The following FAM20A variants were observed in gnomAD, a reference collection of about 807,000 sequenced individuals.
FAM20A encodes pseudokinase FAM20A.
In FAM20A, 42 loss-of-function variants were observed where a neutral mutation model predicts 52.0. The ratio of observed to expected loss-of-function variants is 0.81; its 90% CI spans 0.63 to 1.04. FAM20A has a LOEUF of 1.04. FAM20A is among the 50% of genes least tolerant of loss of function. The pLI, the probability that FAM20A is intolerant of heterozygous loss-of-function variation, is 0.00. For missense variants in FAM20A, 742 were observed against 712.7 expected, an observed-to-expected ratio of 1.04 and a Z score of -0.47; for synonymous variants, 304 against 298.9, an observed-to-expected ratio of 1.02 and a Z score of -0.18.
intron 3 of FAM20A, among the ~76,000 whole-genome samples, chr17:68,553,623 ACT>A (rs2086939156): frequency 6.6e-6 from 1 of 151,842 alleles, no homozygotes; most frequent in African/African-American, 2.4e-5. Context: ...GTGAGTCTCA[ACT>A]CTGGCTATAT....
chr17:68,600,966 C>T lies in FAM20A; in HGVS notation c.-300G>A, dbSNP rs1398371944. ...CTTCTTGCGCCTTTTCTCCCGTGCG[C>T]CCGCCCGCCCGGACGCTCGCGGCAG... On this transcript the variant is annotated 5_prime_UTR_variant, in exon 1 of 11. Transcript: ENST00000592554. This position sits in a 1 kb window ranked among gnomAD's most constrained non-coding sequence, Gnocchi z 6.2. 3.7e-5 allele frequency: 10 copies of T among 271,234 alleles called. No homozygotes were observed. The highest frequency in any genetic ancestry group is 6.8e-5 in the Non-Finnish European group (10 of 146,094). 16.8% of individuals were successfully genotyped at this position (271,234 alleles called of 1,614,324 possible). A position where few individuals can be genotyped will look rare whatever the true frequency, so the allele number is the denominator to read the frequency against.
At chr17:68,577,202 G>A (rs530704720) in intron 1 of FAM20A, among the ~76,000 whole-genome samples, 4 of 152,354 alleles carry the variant, frequency 2.6e-5, no homozygotes, top group East Asian at 1.9e-4. Flanking sequence ...CTGCCATGAC[G>A]GCTCCTGCTC....
intron 1 of FAM20A, chr17:68,575,041 A>G (rs532010654): frequency 6.6e-6 from 1 of 152,234 alleles, no homozygotes; most frequent in Admixed American, 6.5e-5. Flanking sequence ...AGGTACAACT[A>G]TTATGTATCA....
At chr17:68,547,234 A>G (rs1270869059) in intron 4 of FAM20A, among the ~76,000 whole-genome samples, 1 of 152,234 alleles carries the variant, frequency 6.6e-6, no homozygotes, top group Non-Finnish European at 1.5e-5. Context: ...TCACCTAACA[A>G]GAGAGTCAGC....
chr17:68,543,040 C>A (rs568458575), intron 5 of FAM20A, among the ~76,000 whole-genome samples: 1 of 152,264 alleles, frequency 6.6e-6, no homozygotes, highest in Admixed American at 6.5e-5. Context: ...TTCCGTCAAG[C>A]CTCCTGGGCA....
At chr17:68,549,512 T>TA (rs1262326732) in intron 4 of FAM20A, among the ~76,000 whole-genome samples, 3 of 140,688 alleles carry the variant, frequency 2.1e-5, no homozygotes, top group African/African-American at 7.8e-5. Flanking sequence ...AAAAAAAAGT[T>TA]AGAGACATCC....
At chr17:68,552,666 C>CTTTTTTT (rs576230517) in intron 3 of FAM20A, among the ~76,000 whole-genome samples, 3 of 66,844 alleles carry the variant, frequency 4.5e-5, no homozygotes, top group South Asian at 6.5e-4. Context: ...CTTTATTTTC[C>CTTTTTTT]TTTTTTTTTT....
chr17:68,584,265 TGA>T (rs2088100363), intron 1 of FAM20A, among the ~76,000 whole-genome samples: 1 of 151,514 alleles, frequency 6.6e-6, no homozygotes, highest in African/African-American at 2.4e-5. Flanking sequence ...TGCAGTGAGC[TGA>T]GATGGTGCCA....
intron 1 of FAM20A, among the ~76,000 whole-genome samples, chr17:68,556,667 T>G (rs1340693514): frequency 9.9e-5 from 15 of 151,992 alleles, no homozygotes. Context: ...AAGAAACGGA[T>G]GTATCTGGGG....
chr17:68,554,701 C>T (rs1600578443), intron 3 of FAM20A, 76 bp downstream of exon 3: 1 of 1,461,910 alleles, frequency 6.8e-7, no homozygotes, highest in East Asian at 2.3e-5. Context: ...CCCAAGGTCG[C>T]CACTGGAGTG....
chr17:68,536,266 G>A lies in FAM20A; in HGVS notation c.*1211C>T, dbSNP rs191437362. On this transcript the variant is annotated 3_prime_UTR_variant, in exon 11 of 11. Coordinates refer to ENST00000592554, the MANE Select transcript of FAM20A (RefSeq NM_017565.4). ...CTCATGCTTACAGTATTTGAACTCT[G>A]GCCTTTACTGGAAAAGTTGATTTGA... 3.3e-4 allele frequency: 152 copies of A among 454,028 alleles called. No homozygotes were observed. The Middle Eastern group carries it at 3.5e-3, about 10-fold the overall frequency. 28.1% of individuals were successfully genotyped at this position (454,028 alleles called of 1,614,324 possible).
rs2087946559 is a variant in FAM20A, at chr17:68,581,353, T to TCTTC, written c.404+18909_404+18910insGAAG. Among the ~76,000 whole-genome samples, 6 of 85,046 alleles carry TCTTC rather than the reference T, an allele frequency of 7.1e-5. No homozygotes were observed. In the South Asian group the frequency reaches 2.1e-3, roughly 29 times the overall value. 55.8% of individuals were successfully genotyped at this position (85,046 alleles called of 152,430 possible). ...AAAGGTATCTCCGAAATGCAGTTTTTCTTTCTTTCTTTCTTTCTTTCTTTC... is the reference window on the plus strand; with the variant it reads ...AAAGGTATCTCCGAAATGCAGTTTTTCTTCCTTTCTTTCTTTCTTTCTTTCTTTC... On this transcript the variant is annotated intron_variant, in intron 1 of 10. Transcript: ENST00000592554.
At chr17:68,559,353 T>C (rs2087146020) in intron 1 of FAM20A, among the ~76,000 whole-genome samples, 1 of 152,370 alleles carries the variant, frequency 6.6e-6, no homozygotes, top group East Asian at 1.9e-4. Flanking sequence ...TGCCATAGTA[T>C]TGCCTTCTAT....
rs74000763 is a variant in FAM20A at position 68,577,725 on chromosome 17, C to T, written c.405-21982G>A. On this transcript the variant is annotated intron_variant, in intron 1 of 10. Transcript: ENST00000592554. ...GGTGTAATTTAATATTTTCCATAGA[C>T]GCGTAAAAGCCTTCCTCAGAGCCTC... Among the ~76,000 whole-genome samples the T allele has an allele frequency of 5.1e-3, 782 of 152,230 alleles. 8 individuals carry two copies. The highest frequency in any genetic ancestry group is 0.016 in the African/African-American group (664 of 41,552).
intron 1 of FAM20A, among the ~76,000 whole-genome samples, chr17:68,599,175 C>G (rs1475159981): frequency 6.6e-6 from 1 of 151,934 alleles, no homozygotes; most frequent in Admixed American, 6.6e-5. Flanking sequence ...TTAAATTGGC[C>G]CAGCTCTGAG....
chr17:68,544,926 A>T (rs1350557943), intron 4 of FAM20A, among the ~76,000 whole-genome samples: 1 of 152,164 alleles, frequency 6.6e-6, no homozygotes, highest in Non-Finnish European at 1.5e-5. Flanking sequence ...GGTTGTTTTT[A>T]CTTTAGATCA....
intron 1 of FAM20A, among the ~76,000 whole-genome samples, chr17:68,582,074 C>T (rs762091700): frequency 6.6e-6 from 1 of 152,092 alleles, no homozygotes; most frequent in African/African-American, 2.4e-5. Flanking sequence ...ACCAGAGGCA[C>T]GGTTTGAAGG....
intron 1 of FAM20A, among the ~76,000 whole-genome samples, chr17:68,581,451 TTC>T (rs1378173897): frequency 7.6e-4 from 52 of 68,202 alleles, no homozygotes; most frequent in African/African-American, 3.4e-3. Context: ...TTTTTTTCTT[TTC>T]TTTCTTTCCT....
In FAM20A at chr17:68,573,008, C is replaced by T. The variant is rs149704305; in HGVS notation, c.405-17265G>A. 9.7e-3 allele frequency among the ~76,000 whole-genome samples: 1,471 copies of T among 152,294 alleles called. 14 individuals are homozygous for T. The highest frequency in any genetic ancestry group is 0.033 in the African/African-American group (1,380 of 41,548). ...ACCTCCCCAAAGAGAAATGCACCCC[C>T]GCTTTGGAGGCTGTCCTTCCAGCCC... is the stretch of plus-strand genomic sequence containing the variant. On this transcript the variant is annotated intron_variant, in intron 1 of 10. Coordinates refer to ENST00000592554, the MANE Select transcript of FAM20A (RefSeq NM_017565.4).
Sources: gnomAD v4.1 joint callset for allele counts (sites outside exome capture counted in the v4.1 genomes callset) on GRCh38, gnomAD v4.1.1 for gene constraint, Gnocchi (gnomAD v3.1) non-coding constraint, MANE v1.5 for transcripts, NCBI Gene and HGNC (gene_info 2026-07-23, HGNC 2026-07-21) for gene names.